RIMS2: variants seen among roughly 807,000 people sequenced by gnomAD.
The protein encoded by RIMS2 is regulating synaptic membrane exocytosis 2.
RIMS2 carries 59 observed loss-of-function variants against 174.4 expected under a neutral mutation model. The observed-to-expected ratio is 0.34, with a 90% confidence interval of 0.27 to 0.42. The LOEUF (loss-of-function observed/expected upper bound fraction) is 0.42. RIMS2 is among the 10% of genes least tolerant of loss of function. The pLI is 1.00. For synonymous variants in RIMS2, 606 were observed against 572.5 expected, an observed-to-expected ratio of 1.06 and a Z score of -0.84; for missense variants, 1,620 against 1,666.3, an observed-to-expected ratio of 0.97 and a Z score of 0.48.
chr8:104,189,297 A>G (rs1449865369), intron 19 of RIMS2, among the ~76,000 whole-genome samples: 1 of 151,932 alleles, frequency 6.6e-6, no homozygotes, highest in Non-Finnish European at 1.5e-5. Context: ...TTTTGGCACT[A>G]GAGACACATT....
intron 1 of RIMS2, among the ~76,000 whole-genome samples, chr8:103,559,560 A>C (rs1385870400): frequency 6.6e-6 from 1 of 152,192 alleles, no homozygotes; most frequent in Non-Finnish European, 1.5e-5. Context: ...GTGAGGCTAA[A>C]GTATCTTTTC....
intron 1 of RIMS2, among the ~76,000 whole-genome samples, chr8:103,571,924 T>C (rs2092839074): frequency 6.6e-6 from 1 of 152,202 alleles, no homozygotes; most frequent in Non-Finnish European, 1.5e-5. Context: ...TTCCCTCACA[T>C]ATTTCTAATG....
At chr8:103,983,705 A>T (rs1429852020) in intron 16 of RIMS2, among the ~76,000 whole-genome samples, 1 of 152,216 alleles carries the variant, frequency 6.6e-6, no homozygotes, top group East Asian at 1.9e-4. Flanking sequence ...ATGAATAATA[A>T]TGAAACTTGA....
chr8:104,004,056 C>T (rs559938688), intron 17 of RIMS2, among the ~76,000 whole-genome samples: 1 of 152,088 alleles, frequency 6.6e-6, no homozygotes, highest in East Asian at 1.9e-4. Flanking sequence ...TAACAGGGTC[C>T]AAGTGGGTTC....
At chr8:104,192,197 T>A (rs2099001307) in intron 19 of RIMS2, among the ~76,000 whole-genome samples, 1 of 152,168 alleles carries the variant, frequency 6.6e-6, no homozygotes, top group Non-Finnish European at 1.5e-5. Context: ...GTATCTGCAT[T>A]GAAAGAATAG....
At chr8:104,074,385 T>C (rs2097253120) in intron 19 of RIMS2, among the ~76,000 whole-genome samples, 1 of 152,152 alleles carries the variant, frequency 6.6e-6, no homozygotes, top group Non-Finnish European at 1.5e-5. Flanking sequence ...TTAAACGAGA[T>C]GATGTATATA....
chr8:103,656,480 G>A (rs760515125), intron 1 of RIMS2, among the ~76,000 whole-genome samples: 1 of 152,046 alleles, frequency 6.6e-6, no homozygotes, highest in African/African-American at 2.4e-5. Flanking sequence ...TACCTATCCT[G>A]GGTCCTGAGA....
chr8:104,051,822 C>A (rs1182816986), intron 19 of RIMS2, among the ~76,000 whole-genome samples: 1 of 152,136 alleles, frequency 6.6e-6, no homozygotes, highest in South Asian at 2.1e-4. Flanking sequence ...AGTCCTAGCA[C>A]ATATAGTTGT....
At chr8:103,735,649 T>A (rs887947514) in intron 2 of RIMS2, among the ~76,000 whole-genome samples, 5 of 152,104 alleles carry the variant, frequency 3.3e-5, no homozygotes, top group Non-Finnish European at 7.4e-5. Flanking sequence ...TCTTAAGAAG[T>A]TTTAAATTTT....
intron 19 of RIMS2, among the ~76,000 whole-genome samples, chr8:104,117,126 A>G (rs1329120936): frequency 6.6e-6 from 1 of 152,124 alleles, no homozygotes; most frequent in Non-Finnish European, 1.5e-5. Flanking sequence ...AGGCAGGAGG[A>G]TCACTGGAAC....
At chr8:103,825,446 A>ATTTTTTTTT (rs35460743) in intron 3 of RIMS2, among the ~76,000 whole-genome samples, 4 of 131,824 alleles carry the variant, frequency 3.0e-5, no homozygotes, top group Admixed American at 7.8e-5. Flanking sequence ...TGGCTAGCTA[A>ATTTTTTTTT]TTTTTTTTTT....
chr8:103,610,943 C>G (rs1005580975), intron 1 of RIMS2, among the ~76,000 whole-genome samples: 2 of 152,112 alleles, frequency 1.3e-5, no homozygotes, highest in African/African-American at 4.8e-5. Context: ...GGCGTGAATC[C>G]TTCTGGGCCT....
At chr8:103,676,908 C>T (rs917958089) in intron 1 of RIMS2, among the ~76,000 whole-genome samples, 3 of 152,152 alleles carry the variant, frequency 2.0e-5, no homozygotes, top group Non-Finnish European at 4.4e-5. Flanking sequence ...AGCTTGAACC[C>T]AGAAGGCAGA....
intron 16 of RIMS2, among the ~76,000 whole-genome samples, chr8:103,981,476 G>A (rs2093900705): frequency 6.6e-6 from 1 of 152,082 alleles, no homozygotes; most frequent in Non-Finnish European, 1.5e-5. Flanking sequence ...TCAATGCCAA[G>A]ACACCAAAGA....
chr8:103,820,066 T>C (rs2098742546), intron 3 of RIMS2, among the ~76,000 whole-genome samples: 1 of 152,146 alleles, frequency 6.6e-6, no homozygotes, highest in African/African-American at 2.4e-5. Context: ...AAGACATTTC[T>C]CTATGCTGGG....
At chr8:103,623,631 C>T (rs1418201971) in intron 1 of RIMS2, among the ~76,000 whole-genome samples, 1 of 150,720 alleles carries the variant, frequency 6.6e-6, no homozygotes, top group Non-Finnish European at 1.5e-5. Flanking sequence ...ACTACAGGCG[C>T]CCGCCACCAC....
At chr8:104,009,988 A>ATGGATG (rs1565826945) in intron 17 of RIMS2, among the ~76,000 whole-genome samples, 2 of 64,494 alleles carry the variant, frequency 3.1e-5, no homozygotes, top group African/African-American at 1.5e-4. Context: ...ATGGATGGAT[A>ATGGATG]GATGGATGGA....
chr8:103,696,940 A>G, intron 1 of RIMS2, 146 bp from the exon 4 acceptor site: 1 of 584,758 alleles, frequency 1.7e-6, no homozygotes, highest in Non-Finnish European at 3.1e-6. Context: ...AAAAGTGTTA[A>G]TTTATCATCA....
At chr8:103,692,673 T>C (rs138303045) in intron 1 of RIMS2, among the ~76,000 whole-genome samples, 1 of 152,324 alleles carries the variant, frequency 6.6e-6, no homozygotes, top group African/African-American at 2.4e-5. Flanking sequence ...AGAGTATCTC[T>C]AGAAATGTTG....
Sources: allele counts gnomAD v4.1 joint callset (sites outside exome capture counted in the v4.1 genomes callset), GRCh38; gene constraint gnomAD v4.1.1; transcripts MANE v1.5; gene names NCBI Gene and HGNC (gene_info 2026-07-23, HGNC 2026-07-21).